Variants in DLGAP1 observed in about 807,000 individuals in gnomAD.
The protein encoded by DLGAP1 is DLG associated protein 1.
Under a neutral mutation model 90.8 loss-of-function variants are expected in DLGAP1, and 11 were observed. The ratio of observed to expected loss-of-function variants is 0.12; its 90% confidence interval spans 0.08 to 0.20. The LOEUF is 0.20. DLGAP1 is among the 10% of genes least tolerant of loss of function. The probability of loss-of-function intolerance (pLI) is 1.00; values close to 1 mark genes in which losing one functional copy is unlikely to be tolerated. For missense variants in DLGAP1, 1,050 were observed against 1,333.8 expected (o/e 0.79, Z 3.31); for synonymous variants, 558 against 540.7 (o/e 1.03, Z -0.44).
At chr18:3,935,309 TCAAA>T (rs1053421707) in intron 3 of DLGAP1, among the ~76,000 whole-genome samples, 24 of 152,308 alleles carry the variant, frequency 1.6e-4, no homozygotes, top group Non-Finnish European at 2.2e-4. Flanking sequence ...TACGATTAGC[TCAAA>T]CAAAGACTTG....
intron 3 of DLGAP1, chr18:3,984,157 T>A (rs763559037): frequency 2.0e-5 from 3 of 152,206 alleles, no homozygotes; most frequent in Non-Finnish European, 4.4e-5. Flanking sequence ...ATCATTTTTC[T>A]TAATCTGCCT....
chr18:3,600,785 T>TATATAG (rs1568278087), intron 7 of DLGAP1, among the ~76,000 whole-genome samples: 34 of 74,084 alleles, frequency 4.6e-4, no homozygotes, highest in African/African-American at 1.7e-3. Context: ...GATATATAGA[T>TATATAG]ATATATAGAT....
intron 1 of DLGAP1, among the ~76,000 whole-genome samples, chr18:4,239,686 A>ACACTT (rs1433284957): frequency 6.6e-6 from 1 of 152,190 alleles, no homozygotes; most frequent in Non-Finnish European, 1.5e-5. Flanking sequence ...CTCAAATGAG[A>ACACTT]TGCTAAACAA....
At chr18:3,642,970 C>T (rs1461539430) in intron 7 of DLGAP1, among the ~76,000 whole-genome samples, 1 of 152,206 alleles carries the variant, frequency 6.6e-6, no homozygotes, top group Non-Finnish European at 1.5e-5. Context: ...TGCCTCCCCA[C>T]ATATGAAACA....
At chr18:4,352,509 T>C (rs1009967136) in intron 1 of DLGAP1, among the ~76,000 whole-genome samples, 17 of 152,150 alleles carry the variant, frequency 1.1e-4, no homozygotes. Context: ...ACATAGGACA[T>C]GAAGTGGCTT....
chr18:3,906,841 G>A (rs2071918185), intron 3 of DLGAP1, among the ~76,000 whole-genome samples: 1 of 152,188 alleles, frequency 6.6e-6, no homozygotes. Context: ...GTTTACGCAA[G>A]AAAGAGAACT....
intron 3 of DLGAP1, among the ~76,000 whole-genome samples, chr18:3,943,176 T>C (rs912089859): frequency 3.3e-5 from 5 of 152,160 alleles, no homozygotes; most frequent in East Asian, 1.9e-4. Context: ...CACCTGCTCT[T>C]ATTGTCTTCC....
intron 1 of DLGAP1, among the ~76,000 whole-genome samples, chr18:4,447,832 C>A (rs1360887175): frequency 1.3e-5 from 2 of 152,202 alleles, no homozygotes; most frequent in Admixed American, 1.3e-4. Context: ...TCATGCTTCT[C>A]TCTGTCCCAG....
chr18:3,557,222 T>G (rs572453248), intron 9 of DLGAP1, among the ~76,000 whole-genome samples: 1 of 152,290 alleles, frequency 6.6e-6, no homozygotes, highest in East Asian at 1.9e-4. Context: ...TTCCATAAAT[T>G]TTAATAAGTT....
At chr18:4,194,228 G>C (rs959447307) in intron 1 of DLGAP1, among the ~76,000 whole-genome samples, 1 of 152,080 alleles carries the variant, frequency 6.6e-6, no homozygotes, top group African/African-American at 2.4e-5. Flanking sequence ...CCAATGTTTA[G>C]CTTCCACTTA....
intron 3 of DLGAP1, among the ~76,000 whole-genome samples, chr18:3,915,573 T>C (rs1014479987): frequency 1.3e-5 from 2 of 152,200 alleles, no homozygotes; most frequent in Non-Finnish European, 1.5e-5. Context: ...GATCTGTTCC[T>C]GGGAATTCTT....
At chr18:3,647,328 T>C (rs1324217728) in intron 7 of DLGAP1, among the ~76,000 whole-genome samples, 1 of 151,842 alleles carries the variant, frequency 6.6e-6, no homozygotes, top group East Asian at 1.9e-4. Flanking sequence ...TAGCAGCATA[T>C]GAATTTTTTA....
At chr18:4,372,930 AAAAAAAAGAAAAG>A (rs957191245) in intron 1 of DLGAP1, among the ~76,000 whole-genome samples, 7 of 152,082 alleles carry the variant, frequency 4.6e-5, no homozygotes, top group African/African-American at 1.4e-4. Flanking sequence ...TCCATCTCAA[AAAAAAAAGAAAAG>A]AAAAAAAGAA....
chr18:4,322,955 A>C (rs2080731942), intron 1 of DLGAP1, among the ~76,000 whole-genome samples: 2 of 150,744 alleles, frequency 1.3e-5, no homozygotes, highest in Admixed American at 6.6e-5. Context: ...AAAAAAAAAA[A>C]AAAAAAAAAA....
intron 1 of DLGAP1, among the ~76,000 whole-genome samples, chr18:4,445,944 G>A (rs2083653440): frequency 6.6e-6 from 1 of 152,104 alleles, no homozygotes; most frequent in South Asian, 2.1e-4. Context: ...CAGTCAACTA[G>A]ATAGAAGGAC....
chr18:4,284,975 C>T (rs1206153509), intron 1 of DLGAP1, among the ~76,000 whole-genome samples: 1 of 152,158 alleles, frequency 6.6e-6, no homozygotes, highest in African/African-American at 2.4e-5. Flanking sequence ...AGCAAATGCT[C>T]CTGAAAGCTT....
At chr18:4,396,546 T>C (rs72864561) in intron 1 of DLGAP1, among the ~76,000 whole-genome samples, 67,461 of 151,980 alleles carry the variant, frequency 0.44, 16,146 homozygotes, top group East Asian at 0.68. Context: ...AGGTTTCCCG[T>C]AGATAAACCA....
At chr18:3,633,325 C>A in intron 7 of DLGAP1, among the ~76,000 whole-genome samples, 1 of 151,582 alleles carries the variant, frequency 6.6e-6, no homozygotes, top group Non-Finnish European at 1.5e-5. Flanking sequence ...ATCGCTTGAA[C>A]CCAGAAAGCA....
chr18:3,568,195 G>A (rs941935997), intron 8 of DLGAP1, among the ~76,000 whole-genome samples: 10 of 152,144 alleles, frequency 6.6e-5, no homozygotes, highest in African/African-American at 1.9e-4. Context: ...CACCACGCCC[G>A]GCCTGGAAGT....
Sources: gnomAD v4.1 joint callset for allele counts (sites outside exome capture counted in the v4.1 genomes callset) on GRCh38, gnomAD v4.1.1 for gene constraint, MANE v1.5 for transcripts, NCBI Gene and HGNC (gene_info 2026-07-23, HGNC 2026-07-21) for gene names.